Variants in BEND6 observed in about 807,000 individuals in gnomAD.
The protein encoded by BEND6 is BEN domain containing 6, also known as BEN domain-containing protein 6.
A neutral mutation model predicts 31.8 loss-of-function variants in BEND6; 24 were observed. The ratio of observed to expected loss-of-function variants is 0.75; its 90% CI spans 0.55 to 1.06. The LOEUF is 1.06. Among genes scored for constraint, BEND6 ranks in the 50% least tolerant of loss-of-function variants. BEND6 has a pLI of 0.00. For missense variants in BEND6, 294 were observed against 327.4 expected, an observed-to-expected ratio of 0.90 and a Z score of 0.79; for synonymous variants, 109 against 114.6, an observed-to-expected ratio of 0.95 and a Z score of 0.31.
intron 1 of BEND6, among the ~76,000 whole-genome samples, chr6:56,956,247 T>C (rs2127834388): frequency 6.6e-6 from 1 of 152,380 alleles, no homozygotes; most frequent in African/African-American, 2.4e-5. Flanking sequence ...TTTTTTGGAA[T>C]ATTTAATAGA....
intron 3 of BEND6, among the ~76,000 whole-genome samples, chr6:56,995,940 T>C (rs1826692047): frequency 6.6e-6 from 1 of 152,156 alleles, no homozygotes; most frequent in Admixed American, 6.5e-5. Flanking sequence ...TGGACAACTC[T>C]CCATCCTTGA....
At chr6:56,969,145 A>G (rs1382876203) in intron 1 of BEND6, among the ~76,000 whole-genome samples, 1 of 152,156 alleles carries the variant, frequency 6.6e-6, no homozygotes, top group Non-Finnish European at 1.5e-5. Context: ...AATGGACCTT[A>G]GTAAAACCCA....
chr6:57,010,827 C>A, intron 3 of BEND6: 1 of 778,380 alleles, frequency 1.3e-6, no homozygotes, highest in Non-Finnish European at 1.6e-6. Flanking sequence ...GAAAAGACTG[C>A]TACTTTCAAC....
chr6:57,004,320 G>GAAGTTTCAGGATAC (rs1827066641), intron 3 of BEND6, among the ~76,000 whole-genome samples: 1 of 152,176 alleles, frequency 6.6e-6, no homozygotes, highest in Non-Finnish European at 1.5e-5. Flanking sequence ...CGACTCTAGT[G>GAAGTTTCAGGATAC]AAGTTTCAGG....
intron 1 of BEND6, among the ~76,000 whole-genome samples, chr6:56,961,858 T>G (rs1386635978): frequency 1.3e-5 from 2 of 152,210 alleles, no homozygotes; most frequent in African/African-American, 2.4e-5. Context: ...GATTCTGCAC[T>G]CTGGTGGGAA....
At chr6:56,981,112 C>A (rs945979396) in intron 1 of BEND6, among the ~76,000 whole-genome samples, 2 of 152,102 alleles carry the variant, frequency 1.3e-5, no homozygotes, top group African/African-American at 4.8e-5. Flanking sequence ...TCATGCCCAG[C>A]CTGCTTTATC....
intron 3 of BEND6, among the ~76,000 whole-genome samples, chr6:57,003,643 A>C (rs1300190430): frequency 6.6e-6 from 1 of 152,154 alleles, no homozygotes; most frequent in African/African-American, 2.4e-5. Flanking sequence ...TATTCCAAAA[A>C]ATTGAGGAGG....
chr6:56,999,939 T>C (rs1901383), intron 3 of BEND6, among the ~76,000 whole-genome samples: 148,303 of 151,216 alleles, frequency 0.98, 72,794 homozygotes, highest in East Asian at 1. Context: ...CCCCTCTGCC[T>C]GGCTGCCCCG....
At chr6:56,997,617 A>C (rs1826771317) in intron 3 of BEND6, among the ~76,000 whole-genome samples, 1 of 152,162 alleles carries the variant, frequency 6.6e-6, no homozygotes, top group Non-Finnish European at 1.5e-5. Context: ...GCAGTGGCGC[A>C]ATCTCGGCTC....
intron 3 of BEND6, chr6:57,004,425 C>A (rs535596202): frequency 5.2e-6 from 3 of 573,428 alleles, no homozygotes; most frequent in South Asian, 1.8e-5. Context: ...CTCATCCCCC[C>A]ACCCCAGCTG....
intron 6 of BEND6, 70 bp downstream of exon 6, chr6:57,018,627 A>C (rs1827643932): frequency 7.6e-7 from 1 of 1,322,398 alleles, no homozygotes; most frequent in Admixed American, 3.4e-5. Flanking sequence ...TTTTATTGGA[A>C]TAGCATTTTC....
chr6:57,016,449 C>T (rs1386378953), intron 4 of BEND6, among the ~76,000 whole-genome samples: 1 of 152,202 alleles, frequency 6.6e-6, no homozygotes, highest in Non-Finnish European at 1.5e-5. Flanking sequence ...TTTCTGAAAG[C>T]TCTAGGGCAG....
chr6:56,996,683 GATGTTATCTTC>G (rs1219352915), intron 3 of BEND6, among the ~76,000 whole-genome samples: 3 of 152,050 alleles, frequency 2.0e-5, no homozygotes, highest in Non-Finnish European at 4.4e-5. Flanking sequence ...CAGAAACTAT[GATGTTATCTTC>G]ATGTTATCTT....
intron 1 of BEND6, among the ~76,000 whole-genome samples, chr6:56,969,910 G>A (rs59990447): frequency 1.4e-3 from 214 of 151,930 alleles, no homozygotes; most frequent in African/African-American, 5.0e-3. Context: ...TTCATAATTT[G>A]GATGTTGCTT....
intron 1 of BEND6, among the ~76,000 whole-genome samples, chr6:56,970,779 A>G (rs1019255051): frequency 4.6e-5 from 7 of 152,208 alleles, no homozygotes; most frequent in African/African-American, 1.7e-4. Flanking sequence ...GATATTCTAA[A>G]TAAGGTCTGA....
At chr6:56,992,632 C>A in intron 3 of BEND6, 77 bp downstream of exon 3, 1 of 1,433,938 alleles carries the variant, frequency 7.0e-7, no homozygotes, top group South Asian at 1.5e-5. Context: ...AATTAGCTGT[C>A]AAGAATGAAG....
At chr6:56,957,522 A>T (rs992942391) in intron 1 of BEND6, among the ~76,000 whole-genome samples, 2 of 152,234 alleles carry the variant, frequency 1.3e-5, no homozygotes, top group African/African-American at 4.8e-5. Context: ...AAATCAGCCA[A>T]GCAGTGCTTT....
At chr6:56,972,581 CTA>C (rs1446271374) in intron 1 of BEND6, among the ~76,000 whole-genome samples, 5 of 152,162 alleles carry the variant, frequency 3.3e-5, no homozygotes, top group Admixed American at 6.5e-5. Context: ...CATACACTGT[CTA>C]TGTGTGATCT....
intron 1 of BEND6, among the ~76,000 whole-genome samples, chr6:56,980,561 G>C (rs1430444875): frequency 6.6e-6 from 1 of 152,186 alleles, no homozygotes; most frequent in Non-Finnish European, 1.5e-5. Context: ...TTGTGAGTCA[G>C]ATTTGACAGT....
Sources: gnomAD v4.1 joint callset for allele counts (sites outside exome capture counted in the v4.1 genomes callset) on GRCh38, gnomAD v4.1.1 for gene constraint, MANE v1.5 for transcripts, NCBI Gene and HGNC (gene_info 2026-07-23, HGNC 2026-07-21) for gene names.